CTIF: variants seen among roughly 807,000 people sequenced by gnomAD.
CTIF encodes CBP80/20-dependent translation initiation factor.
CTIF carries 21 observed loss-of-function variants against 66.0 expected under a neutral mutation model. The ratio of observed to expected loss-of-function variants is 0.32; its 90% CI spans 0.23 to 0.46. The LOEUF (loss-of-function observed/expected upper bound fraction) is 0.46. CTIF is among the 20% of genes least tolerant of loss of function. CTIF has a pLI of 1.00. For synonymous variants in CTIF, 345 were observed against 326.4 expected, an observed-to-expected ratio of 1.06 and a Z score of -0.62; for missense variants, 739 against 812.7, an observed-to-expected ratio of 0.91 and a Z score of 1.10.
At chr18:48,842,255 A>T (rs2068962351) in intron 10 of CTIF, among the ~76,000 whole-genome samples, 2 of 152,134 alleles carry the variant, frequency 1.3e-5, no homozygotes, top group African/African-American at 2.4e-5. Context: ...GTCAGGCCTC[A>T]TGGGACTGAG....
intron 10 of CTIF, among the ~76,000 whole-genome samples, chr18:48,818,771 CACAAGGA>C (rs1417024867): frequency 6.6e-6 from 1 of 152,086 alleles, no homozygotes; most frequent in African/African-American, 2.4e-5. Flanking sequence ...GCTACCAGGA[CACAAGGA>C]GGAACAGCCT....
intron 7 of CTIF, among the ~76,000 whole-genome samples, chr18:48,718,184 A>G (rs2092299574): frequency 6.6e-6 from 1 of 152,170 alleles, no homozygotes; most frequent in African/African-American, 2.4e-5. Flanking sequence ...TTTTCTTCCA[A>G]ACCATCTGTT....
intron 7 of CTIF, among the ~76,000 whole-genome samples, chr18:48,717,581 A>T (rs1408043465): frequency 1.3e-5 from 2 of 152,116 alleles, no homozygotes; most frequent in Non-Finnish European, 2.9e-5. Context: ...GGACATATGG[A>T]ACTTTGTGAA....
At chr18:48,774,789 G>A (rs551809709) in intron 9 of CTIF, among the ~76,000 whole-genome samples, 26 of 152,288 alleles carry the variant, frequency 1.7e-4, no homozygotes, top group Admixed American at 1.5e-3. Flanking sequence ...AAGGCCATAC[G>A]AAAGAAGGGG....
At position 48,859,827 on chromosome 18, in the gene CTIF, T is replaced by G; in HGVS notation, c.*268T>G. ...TTTCCTGGTGGCCCTGGCCCTCCCC[T>G]TCCTCACTCCCGCCTCTCCCCTCCC... is the stretch of plus-strand genomic sequence containing the variant. On this transcript the variant is annotated 3_prime_UTR_variant, in exon 12 of 12. Transcript: ENST00000256413. 4.8e-6 allele frequency: 3 copies of G among 620,118 alleles called. No homozygotes were observed. The highest frequency in any genetic ancestry group is 3.4e-5 in the East Asian group (1 of 29,822). 38.4% of individuals were successfully genotyped at this position (620,118 alleles called of 1,614,324 possible).
intron 9 of CTIF, among the ~76,000 whole-genome samples, chr18:48,795,132 C>CT (rs1193812917): frequency 1.6e-4 from 25 of 152,230 alleles, no homozygotes; most frequent in African/African-American, 5.1e-4. Context: ...TTACTCCTGG[C>CT]TTTTTTTGAT....
chr18:48,801,229 G>A (rs574620001), intron 9 of CTIF, among the ~76,000 whole-genome samples: 9 of 152,322 alleles, frequency 5.9e-5, no homozygotes, highest in Non-Finnish European at 1.0e-4. Flanking sequence ...TGCCATCCAC[G>A]TCTGCAGAAA....
rs566192558 is a variant in CTIF at position 48,607,199 on chromosome 18, C to G, written c.-28-12339C>G. On this transcript the variant is annotated intron_variant, in intron 1 of 11. Coordinates refer to ENST00000256413, the MANE Select transcript of CTIF (RefSeq NM_014772.3). ...CTGTGTTGTCTCTGGGCCTGGAGGC[C>G]ACTCCAGGAATCAGGGGCCCTGGGC... Among the ~76,000 whole-genome samples the G allele has an allele frequency of 2.6e-5, 4 of 152,298 alleles. No individual in the cohort carries two copies. The South Asian group carries it at 8.3e-4, about 32-fold the overall frequency.
intron 9 of CTIF, among the ~76,000 whole-genome samples, chr18:48,802,931 C>T (rs1196268754): frequency 6.6e-6 from 1 of 152,236 alleles, no homozygotes; most frequent in Non-Finnish European, 1.5e-5. Flanking sequence ...GGAAAACTTC[C>T]AGCCTCTTCT....
At chr18:48,829,540 GC>G (rs34764731) in intron 10 of CTIF, among the ~76,000 whole-genome samples, 82,307 of 152,138 alleles carry the variant, frequency 0.54, 23,709 homozygotes, top group East Asian at 0.97. Context: ...CGTCTGCAGA[GC>G]CCCCCGACCT....
chr18:48,664,841 G>C (rs184113614), intron 5 of CTIF, among the ~76,000 whole-genome samples: 4 of 152,028 alleles, frequency 2.6e-5, no homozygotes, highest in African/African-American at 9.7e-5. Context: ...CTGGGCGGTG[G>C]CACAGAGGAC....
In CTIF at chr18:48,859,746, A is replaced by G; in HGVS notation, c.*187A>G. The G allele has an allele frequency of 1.4e-6, 1 of 699,150 alleles. No individual in the cohort carries two copies. Among genetic ancestry groups the G allele is most frequent in the East Asian group, 2.7e-5 (1 of 37,066 alleles). 43.3% of individuals were successfully genotyped at this position (699,150 alleles called of 1,614,324 possible). A position where few individuals can be genotyped will look rare whatever the true frequency, so the allele number is the denominator to read the frequency against. ...AAATCCCTGAGAGGAGTGCCCCCGCACAAGCCCCCCAGCCCGAGCATGCAA... is the reference window on the plus strand; with the variant it reads ...AAATCCCTGAGAGGAGTGCCCCCGCGCAAGCCCCCCAGCCCGAGCATGCAA... On this transcript the variant is annotated 3_prime_UTR_variant, in exon 12 of 12. Transcript: ENST00000256413.
At chr18:48,711,532 A>C (rs894233406) in intron 6 of CTIF, 87 bp from the exon 7 acceptor site, 2 of 980,068 alleles carry the variant, frequency 2.0e-6, no homozygotes, top group East Asian at 2.5e-5. Context: ...TCTGTCTTAG[A>C]TGCTGGTGTA....
At chr18:48,825,555 T>G (rs1599115989) in intron 10 of CTIF, among the ~76,000 whole-genome samples, 1 of 152,122 alleles carries the variant, frequency 6.6e-6, no homozygotes, top group Admixed American at 6.5e-5. Flanking sequence ...ATGAAGCGGG[T>G]GTGGGTGGAG....
At chr18:48,612,263 G>A (rs1001344524) in intron 1 of CTIF, among the ~76,000 whole-genome samples, 1 of 152,258 alleles carries the variant, frequency 6.6e-6, no homozygotes, top group Non-Finnish European at 1.5e-5. Context: ...GCGGTTGGCA[G>A]TGAGCAGGCT....
At chr18:48,684,592 G>A (rs548326669) in intron 6 of CTIF, among the ~76,000 whole-genome samples, 92 of 152,116 alleles carry the variant, frequency 6.0e-4, no homozygotes, top group Non-Finnish European at 1.0e-3. Context: ...TAGGTATACC[G>A]AATTTTACTT....
At chr18:48,543,042 A>G (rs1178793620) in intron 1 of CTIF, among the ~76,000 whole-genome samples, 1 of 152,222 alleles carries the variant, frequency 6.6e-6, no homozygotes, top group African/African-American at 2.4e-5. Flanking sequence ...TCTGCCTTAC[A>G]GGTCTGTGTA....
chr18:48,671,301 CT>C (rs1294367469), intron 6 of CTIF, among the ~76,000 whole-genome samples: 1 of 152,058 alleles, frequency 6.6e-6, no homozygotes, highest in Non-Finnish European at 1.5e-5. Context: ...TAGTGCTGGA[CT>C]TTTGGTGGAA....
chr18:48,730,696 A>AGGTGTGAGGGGCTTCTGC (rs1555681528), intron 7 of CTIF, among the ~76,000 whole-genome samples: 2 of 34,288 alleles, frequency 5.8e-5, no homozygotes, highest in African/African-American at 2.4e-4. Flanking sequence ...GGAGCCCCTG[A>AGGTGTGAGGGGCTTCTGC]GGTGTGAGGG....
Sources: allele counts gnomAD v4.1 joint callset (sites outside exome capture counted in the v4.1 genomes callset), GRCh38; gene constraint gnomAD v4.1.1; transcripts MANE v1.5; gene names NCBI Gene and HGNC (gene_info 2026-07-23, HGNC 2026-07-21).